The following PARP4 variants were observed in gnomAD, a reference collection of about 807,000 sequenced individuals.
The protein encoded by PARP4 is poly(ADP-ribose) polymerase family member 4.
A neutral mutation model predicts 187.7 loss-of-function variants in PARP4; 120 were observed. The observed-to-expected ratio is 0.64, with a 90% CI of 0.55 to 0.74. The LOEUF is 0.74. PARP4 is among the 30% of genes least tolerant of loss of function. The probability of loss-of-function intolerance (pLI) is 0.00; values close to 1 mark genes in which losing one functional copy is unlikely to be tolerated. For missense variants in PARP4, 1,836 were observed against 2,070.5 expected, an observed-to-expected ratio of 0.89 and a Z score of 2.20; for synonymous variants, 654 against 740.9, an observed-to-expected ratio of 0.88 and a Z score of 1.90.
rs569158116 is a variant in PARP4 at position 24,491,122 on chromosome 13, A to AT, written c.1054-295dup. On this transcript the variant is annotated intron_variant, in intron 9 of 33. Transcript: ENST00000381989. ...CCTCTTAGCAACACTCATGACTGAC[A>AT]TTTTTTTTTTTTTTTTAGATGGAGT... is the stretch of plus-strand genomic sequence containing the variant. Among the ~76,000 whole-genome samples, 333 of 138,102 alleles carry AT rather than the reference A, an allele frequency of 2.4e-3. 2 individuals are homozygous for AT. The highest frequency in any genetic ancestry group is 0.015 in the Middle Eastern group (4 of 264). The allele number at this position is 138,102 out of a possible 152,430, so 90.6% of individuals were successfully genotyped here.
At chr13:24,488,865 G>A (rs561740272) in intron 10 of PARP4, among the ~76,000 whole-genome samples, 4 of 152,104 alleles carry the variant, frequency 2.6e-5, no homozygotes, top group Non-Finnish European at 5.9e-5. Flanking sequence ...TGCTGTCTCC[G>A]TGGATTTATC....
chr13:24,492,667 A>G (rs1269402021), intron 8 of PARP4, 73 bp from the exon 9 acceptor site: 1 of 1,230,506 alleles, frequency 8.1e-7, no homozygotes, highest in African/African-American at 1.5e-5. Flanking sequence ...ACAAAACTAT[A>G]TAAATAATTG....
chr13:24,442,896 C>T (rs1372948541), intron 28 of PARP4, among the ~76,000 whole-genome samples: 1 of 152,124 alleles, frequency 6.6e-6, no homozygotes, highest in Non-Finnish European at 1.5e-5. Flanking sequence ...TCAGAGAGCT[C>T]TCCCGGGCAG....
chr13:24,477,176 C>G (rs187308751), intron 14 of PARP4, among the ~76,000 whole-genome samples: 1 of 152,024 alleles, frequency 6.6e-6, no homozygotes, highest in Non-Finnish European at 1.5e-5. Context: ...TTGTTATGTA[C>G]GCAAGATAAA....
Position 24,459,301 on chromosome 13 carries a change from C to G in PARP4, c.2308G>C (p.Glu770Gln). The G allele has an allele frequency of 6.4e-7, 1 of 1,560,300 alleles. No individual in the cohort carries two copies. The highest frequency in any genetic ancestry group is 8.7e-7 in the Non-Finnish European group (1 of 1,146,034). ...CCTATTTCTTTTATACAAATCTTCT[C>G]TACTGTATCCTGTTAAAAGAAAAAT... ...ALNENLQDTV[E>Q]KICIKEIGTK... The change falls in exon 19 of 34, where the codon GAG becomes CAG. Residue 770 changes from glutamate (E) to glutamine (Q), a missense_variant. By Grantham distance (29) the Glu-to-Gln change is conservative. This residue lies in a region of PARP4 where 1,147 missense variants were observed against 1,214.2 expected (regional missense o/e 0.94). Transcript: ENST00000381989.
intron 20 of PARP4, among the ~76,000 whole-genome samples, chr13:24,457,179 T>C (rs1433294921): frequency 6.6e-6 from 1 of 152,170 alleles, no homozygotes; most frequent in Non-Finnish European, 1.5e-5. Flanking sequence ...TATTTGTATA[T>C]TATATTTTCA....
chr13:24,506,854 G>C (rs575316428), intron 1 of PARP4, among the ~76,000 whole-genome samples: 1 of 152,366 alleles, frequency 6.6e-6, no homozygotes, highest in South Asian at 2.1e-4. Flanking sequence ...ATGGGACCGG[G>C]CGCCGGCCGC....
chr13:24,446,550 A>G, intron 27 of PARP4, 131 bp downstream of exon 27: 2 of 638,432 alleles, frequency 3.1e-6, no homozygotes, highest in South Asian at 1.9e-5. Context: ...AAGTTTACGA[A>G]TTTGTATTGG....
intron 12 of PARP4, among the ~76,000 whole-genome samples, chr13:24,480,753 G>T (rs1873232998): frequency 6.6e-6 from 1 of 152,202 alleles, no homozygotes; most frequent in South Asian, 2.1e-4. Flanking sequence ...CAGAAAGAAG[G>T]CCTGAAGCTA....
intron 17 of PARP4, among the ~76,000 whole-genome samples, chr13:24,466,150 T>C (rs189801138): frequency 6.6e-6 from 1 of 152,360 alleles, no homozygotes; most frequent in East Asian, 1.9e-4. Context: ...ATTTAACACA[T>C]ATTTAACATG....
chr13:24,481,942 A>G (rs1873303468), intron 12 of PARP4, among the ~76,000 whole-genome samples: 1 of 152,254 alleles, frequency 6.6e-6, no homozygotes, highest in African/African-American at 2.4e-5. Flanking sequence ...TGGACGAAGT[A>G]AATTGAAAAC....
At chr13:24,504,340 A>C (rs1462962836) in intron 1 of PARP4, among the ~76,000 whole-genome samples, 4 of 130,760 alleles carry the variant, frequency 3.1e-5, no homozygotes, top group African/African-American at 1.2e-4. Context: ...TGGAGACGGA[A>C]TCTCACTCTG....
At position 24,431,415 on chromosome 13, in the gene PARP4, A is replaced by G. The variant is rs757611405; in HGVS notation, c.4808T>C (p.Leu1603Ser). 1 of 1,603,532 alleles carries G rather than the reference A, an allele frequency of 6.2e-7. No homozygotes were observed. Among genetic ancestry groups the G allele is most frequent in the South Asian group, 1.1e-5 (1 of 88,400 alleles). ...GCCTTTTTGTTTAAGAAAGCTGTGCAAACCATTTGTATTAAGATTTAATAT... is the reference window on the plus strand; with the variant it reads ...GCCTTTTTGTTTAAGAAAGCTGTGCGAACCATTTGTATTAAGATTTAATAT... ...GLILNLNTNGLHSFLKQKGIQ... is the reference protein window; with the variant it reads ...GLILNLNTNGSHSFLKQKGIQ... The change falls in exon 32 of 34, where the codon TTG becomes TCG. Residue 1603 changes from leucine (L) to serine (S), a missense_variant. Physicochemically the swap from Leu to Ser is moderately radical, Grantham distance 145. Coordinates refer to ENST00000381989, the MANE Select transcript of PARP4 (RefSeq NM_006437.4).
chr13:24,424,673 C>CTTTTT (rs1241681310), intron 33 of PARP4, among the ~76,000 whole-genome samples: 68 of 129,064 alleles, frequency 5.3e-4, no homozygotes, highest in South Asian at 9.7e-4. Context: ...AAATTATGTA[C>CTTTTT]TTTTTTTTTT....
At chr13:24,479,138 T>C (rs143801709) in intron 12 of PARP4, among the ~76,000 whole-genome samples, 274 of 152,332 alleles carry the variant, frequency 1.8e-3, no homozygotes, top group African/African-American at 6.3e-3. Context: ...CTCTTGCTAT[T>C]AGGAGCACAG....
rs1431736321 is a variant in PARP4, at chr13:24,460,459, G to C, written c.2134-323C>G. ...CTGCACACGTGGGCTCTGCTGCACG[G>C]GTGGGCTCTGCTGCACGGGTGGGCT... On this transcript the variant is annotated intron_variant, in intron 17 of 33. Transcript: ENST00000381989. 2.5e-5 allele frequency among the ~76,000 whole-genome samples: 3 copies of C among 120,260 alleles called. 1 individual carries two copies. Among genetic ancestry groups the C allele is most frequent in the Non-Finnish European group, 5.7e-5 (3 of 52,900 alleles). The allele number at this position is 120,260 out of a possible 152,430, so 78.9% of individuals were successfully genotyped here. A position where few individuals can be genotyped will look rare whatever the true frequency, so the allele number is the denominator to read the frequency against.
chr13:24,464,162 G>A (rs1872340806), intron 17 of PARP4, among the ~76,000 whole-genome samples: 1 of 152,098 alleles, frequency 6.6e-6, no homozygotes, highest in Non-Finnish European at 1.5e-5. Context: ...ACGAACAAAT[G>A]GAAAAACATT....
intron 17 of PARP4, among the ~76,000 whole-genome samples, chr13:24,463,810 G>A (rs1872323458): frequency 6.6e-6 from 1 of 152,064 alleles, no homozygotes; most frequent in Non-Finnish European, 1.5e-5. Flanking sequence ...ACTCAGTCAA[G>A]ATAAAGAAAT....
chr13:24,471,176 G>A lies in PARP4; in HGVS notation c.1915-1151C>T, dbSNP rs554312095. ...TGTGCACGGAACTCCTTCTCATCCT[G>A]TCTTGGATTTCCTCAGTTTTACGAA... On this transcript the variant is annotated intron_variant, in intron 15 of 33. Coordinates refer to ENST00000381989, the MANE Select transcript of PARP4 (RefSeq NM_006437.4). Among the ~76,000 whole-genome samples the A allele has an allele frequency of 4.6e-5, 7 of 152,356 alleles. No homozygotes were observed. The South Asian group carries it at 1.4e-3, about 32-fold the overall frequency.
Sources: allele counts gnomAD v4.1 joint callset (sites outside exome capture counted in the v4.1 genomes callset), GRCh38; gene constraint gnomAD v4.1.1; regional missense constraint gnomAD v4.1.1; transcripts MANE v1.5; gene names NCBI Gene and HGNC (gene_info 2026-07-23, HGNC 2026-07-21).